ITGAE: variants seen among roughly 807,000 people sequenced by gnomAD.
ITGAE encodes integrin subunit alpha E.
In ITGAE, 99 loss-of-function variants were observed where a neutral mutation model predicts 136.5. The observed-to-expected ratio is 0.73, with a 90% CI of 0.62 to 0.86. The LOEUF (loss-of-function observed/expected upper bound fraction) is 0.86. Ranked by LOEUF, ITGAE falls within the 40% of genes least tolerant of loss-of-function variation. The probability of loss-of-function intolerance (pLI) is 0.00; values close to 1 mark genes in which losing one functional copy is unlikely to be tolerated. For missense variants in ITGAE, 1,447 were observed against 1,515.3 expected (o/e 0.95, Z 0.75); for synonymous variants, 613 against 591.8 (o/e 1.04, Z -0.52).
intron 18 of ITGAE, 88 bp from the exon 19 acceptor site, chr17:3,743,705 CTTTTTTT>C (rs34843140): frequency 6.4e-6 from 6 of 935,020 alleles, no homozygotes; most frequent in Admixed American, 7.5e-5. Flanking sequence ...TTCTTTTTTT[CTTTTTTT>C]TTTTTTTTGA....
In ITGAE at chr17:3,723,645, G is replaced by C. The variant is rs192035483; in HGVS notation, c.3141+43C>G. Reference sequence around the variant, plus strand: ...TCCTGGCCTCTCGTTACCCGCTTCAGGCCCTCCGCCCTCCCCTGGCCTCTC... The same window carrying C: ...TCCTGGCCTCTCGTTACCCGCTTCACGCCCTCCGCCCTCCCCTGGCCTCTC... On this transcript the variant is annotated intron_variant, in intron 27 of 30. Coordinates refer to ENST00000263087, the MANE Select transcript of ITGAE (RefSeq NM_002208.5). 9.2e-4 allele frequency: 1,404 copies of C among 1,527,730 alleles called. 21 individuals are homozygous for C. In the South Asian group the frequency reaches 0.014, roughly 15 times the overall value. 94.6% of individuals were successfully genotyped at this position (1,527,730 alleles called of 1,614,324 possible).
chr17:3,726,619 A>T (rs2051219398), intron 26 of ITGAE: 1 of 390,062 alleles, frequency 2.6e-6, no homozygotes, highest in Admixed American at 4.2e-5. Flanking sequence ...CTTGAGCCCA[A>T]GAGTTCATAT....
chr17:3,772,003 G>A (rs938792947), intron 2 of ITGAE, among the ~76,000 whole-genome samples: 4 of 152,028 alleles, frequency 2.6e-5, no homozygotes, highest in South Asian at 2.1e-4. Context: ...CCTGGGTGAC[G>A]AGGCACCACC....
chr17:3,757,204 C>T, intron 9 of ITGAE, 70 bp from the exon 10 acceptor site: 1 of 1,554,646 alleles, frequency 6.4e-7, no homozygotes, highest in Non-Finnish European at 8.7e-7. Flanking sequence ...AGAGCTGAGC[C>T]CCTCCATCTG....
intron 28 of ITGAE, among the ~76,000 whole-genome samples, chr17:3,721,091 G>A (rs2051039996): frequency 6.6e-6 from 1 of 151,368 alleles, no homozygotes; most frequent in South Asian, 2.1e-4. Context: ...ACCACACTGG[G>A]CTAATTTTTG....
intron 16 of ITGAE, among the ~76,000 whole-genome samples, chr17:3,749,681 G>A (rs1276616349): frequency 1.1e-4 from 17 of 152,096 alleles, no homozygotes; most frequent in Non-Finnish European, 2.4e-4. Flanking sequence ...CTCATTTACA[G>A]CCACGGGACT....
chr17:3,732,488 T>A, intron 21 of ITGAE, 22 bp from the exon 22 acceptor site: 3 of 1,592,810 alleles, frequency 1.9e-6, no homozygotes, highest in Non-Finnish European at 2.6e-6. Flanking sequence ...GCAGATGACA[T>A]TCTCTTAAAG....
intron 1 of ITGAE, among the ~76,000 whole-genome samples, chr17:3,782,953 C>T (rs1186228931): frequency 6.6e-6 from 1 of 152,166 alleles, no homozygotes; most frequent in Non-Finnish European, 1.5e-5. Flanking sequence ...ATCTGCGTTG[C>T]ATGTCATGTT....
At chr17:3,794,447 G>A (rs1567563529) in intron 1 of ITGAE, among the ~76,000 whole-genome samples, 1 of 152,086 alleles carries the variant, frequency 6.6e-6, no homozygotes, top group African/African-American at 2.4e-5. Flanking sequence ...GCCAGTGACT[G>A]CCCCCTGCCA....
intron 26 of ITGAE, among the ~76,000 whole-genome samples, chr17:3,727,403 CTTT>C (rs34753665): frequency 7.1e-6 from 1 of 141,414 alleles, no homozygotes. Flanking sequence ...TTAATTTTTG[CTTT>C]TTTTTTTTTT....
Position 3,751,845 on chromosome 17 carries a change from C to T in ITGAE, c.1698G>A (p.Leu566=), listed in dbSNP as rs762942256. 2.4e-5 allele frequency: 38 copies of T among 1,613,978 alleles called. No homozygotes were observed. In the East Asian group the frequency reaches 8.5e-4, roughly 36 times the overall value. Residue 566 remains leucine (L), a synonymous_variant, in exon 15 of 31, where the codon CTG becomes CTA. Coordinates refer to ENST00000263087, the MANE Select transcript of ITGAE (RefSeq NM_002208.5). ...CATTGGTGAACCCGGGGTGCCCACT[C>T]AGTATGCGTGCCAAGGAGAAAGAAC... ...QDGSFSLARI[L]SGHPGFTNAR... is the part of the protein sequence containing the mutation.
intron 10 of ITGAE, 33 bp downstream of exon 10, chr17:3,756,951 C>T (rs1481466857): frequency 1.9e-6 from 3 of 1,592,164 alleles, no homozygotes; most frequent in Non-Finnish European, 2.6e-6. Flanking sequence ...AGGCTCGGGC[C>T]TCCTGCGGTG....
At chr17:3,784,185 G>A (rs2052730508) in intron 1 of ITGAE, among the ~76,000 whole-genome samples, 2 of 151,910 alleles carry the variant, frequency 1.3e-5, no homozygotes, top group Admixed American at 6.6e-5. Flanking sequence ...GCGTGAACCC[G>A]GGAGGCGGAG....
At chr17:3,735,403 G>A (rs1002695783) in intron 20 of ITGAE, among the ~76,000 whole-genome samples, 1 of 152,202 alleles carries the variant, frequency 6.6e-6, no homozygotes, top group Non-Finnish European at 1.5e-5. Context: ...CTGACCTCAG[G>A]TGATCCGCCT....
intron 19 of ITGAE, among the ~76,000 whole-genome samples, chr17:3,741,116 C>T (rs1308288914): frequency 1.6e-5 from 2 of 122,664 alleles, no homozygotes; most frequent in Non-Finnish European, 3.2e-5. Flanking sequence ...CTCGCTCTGT[C>T]GCCCAGGCTG....
chr17:3,751,619 A>G, intron 15 of ITGAE, 31 bp downstream of exon 15: 1 of 1,587,394 alleles, frequency 6.3e-7, no homozygotes, highest in South Asian at 1.1e-5. Flanking sequence ...AGAGCCCCAG[A>G]GGAGAGGAAG....
At chr17:3,716,885 AG>A in intron 29 of ITGAE, 87 bp from the exon 30 acceptor site, 2 of 747,380 alleles carry the variant, frequency 2.7e-6, no homozygotes, top group South Asian at 3.2e-5. Flanking sequence ...GCAAAATACG[AG>A]GACTTGGCAA....
chr17:3,726,173 T>A (rs766323684), intron 26 of ITGAE: 3 of 1,614,064 alleles, frequency 1.9e-6, no homozygotes. Context: ...TCTGGTTACA[T>A]TACCTGACAG....
chr17:3,737,718 A>C (rs1042169831), intron 20 of ITGAE, among the ~76,000 whole-genome samples: 1 of 152,188 alleles, frequency 6.6e-6, no homozygotes, highest in African/African-American at 2.4e-5. Flanking sequence ...TTATGTATGC[A>C]CATGTGATCT....
Sources: gnomAD v4.1 joint callset for allele counts (sites outside exome capture counted in the v4.1 genomes callset) on GRCh38, gnomAD v4.1.1 for gene constraint, MANE v1.5 for transcripts, NCBI Gene and HGNC (gene_info 2026-07-23, HGNC 2026-07-21) for gene names.